Variants in PHLDB2 observed in about 807,000 individuals in gnomAD.
PHLDB2 encodes pleckstrin homology like domain family B member 2, also known as pleckstrin homology-like domain family B member 2.
In PHLDB2, 71 loss-of-function variants were observed where a neutral mutation model predicts 123.6. The observed-to-expected ratio is 0.57, with a 90% CI of 0.47 to 0.70. The LOEUF is 0.70. Ranked by LOEUF, PHLDB2 falls within the 30% of genes least tolerant of loss-of-function variation. The pLI is 0.00. For missense variants in PHLDB2, 1,446 were observed against 1,519.5 expected (o/e 0.95, Z 0.80); for synonymous variants, 547 against 541.6 (o/e 1.01, Z -0.14).
chr3:111,733,559 C>A (rs938474127), intron 1 of PHLDB2, among the ~76,000 whole-genome samples: 1 of 152,184 alleles, frequency 6.6e-6, no homozygotes, highest in Non-Finnish European at 1.5e-5. Context: ...ACCAATGCCA[C>A]TCTATGTACA....
In PHLDB2 at chr3:111,834,242, A is replaced by G. The variant is rs1457434541; in HGVS notation, c.-48-11579A>G. Among the ~76,000 whole-genome samples, 5 of 93,090 alleles carry G rather than the reference A, an allele frequency of 5.4e-5. 1 individual carries two copies. The highest frequency in any genetic ancestry group is 2.5e-4 in the African/African-American group (3 of 12,168). 61.1% of individuals were successfully genotyped at this position (93,090 alleles called of 152,430 possible). A position where few individuals can be genotyped will look rare whatever the true frequency, so the allele number is the denominator to read the frequency against. On this transcript the variant is annotated intron_variant, in intron 1 of 17. Transcript: ENST00000393923. ...ATTATATATATATTATGTATATAAT[A>G]GAATTATATATATAATTCTATTATA...
At chr3:111,781,483 A>G (rs774331064) in intron 1 of PHLDB2, among the ~76,000 whole-genome samples, 17 of 152,086 alleles carry the variant, frequency 1.1e-4, no homozygotes, top group Non-Finnish European at 1.9e-4. Flanking sequence ...CAATACCAAT[A>G]CCAAACTTAA....
chr3:111,845,755 C>A, intron 1 of PHLDB2: 2 of 1,572,742 alleles, frequency 1.3e-6, no homozygotes, highest in Admixed American at 1.8e-5. Flanking sequence ...GTTCTGTTGA[C>A]CTTGAGTTTT....
rs1482264303 is a variant in PHLDB2, at chr3:111,756,863, G to A, written c.-49+24160G>A. 5.9e-5 allele frequency among the ~76,000 whole-genome samples: 9 copies of A among 152,140 alleles called. No individual in the cohort carries two copies. In the East Asian group the frequency reaches 1.7e-3, roughly 29 times the overall value. On this transcript the variant is annotated intron_variant, in intron 1 of 17. Coordinates refer to the PHLDB2 transcript ENST00000393923. Reference sequence around the variant, plus strand: ...GGCCTGGTGGTGACAAAATCTCTCAGCATTTGCTTGTCTGTAAAGTATTTT... The same window carrying A: ...GGCCTGGTGGTGACAAAATCTCTCAACATTTGCTTGTCTGTAAAGTATTTT...
chr3:111,758,951 A>T (rs1297111215), intron 1 of PHLDB2, among the ~76,000 whole-genome samples: 2 of 152,140 alleles, frequency 1.3e-5, no homozygotes, highest in African/African-American at 4.8e-5. Context: ...TCCTATCAAT[A>T]TGGGGCCCAG....
chr3:111,869,939 G>A (rs2065259670), intron 1 of PHLDB2, among the ~76,000 whole-genome samples: 1 of 152,198 alleles, frequency 6.6e-6, no homozygotes, highest in South Asian at 2.1e-4. Context: ...CAAACAGGCA[G>A]GTCTTTGAGT....
At chr3:111,928,945 G>A (rs11713177) in intron 5 of PHLDB2, among the ~76,000 whole-genome samples, 45,387 of 151,972 alleles carry the variant, frequency 0.3, 7,291 homozygotes, top group Middle Eastern at 0.38. Flanking sequence ...TTTCAATAAA[G>A]TGAAATGTGA....
intron 2 of PHLDB2, among the ~76,000 whole-genome samples, chr3:111,902,307 A>T (rs867241530): frequency 2.6e-5 from 4 of 152,086 alleles, no homozygotes; most frequent in African/African-American, 9.7e-5. Flanking sequence ...GAAAATCAAA[A>T]TAGGCTGGGC....
intron 1 of PHLDB2, chr3:111,732,771 T>C: frequency 7.5e-6 from 10 of 1,339,922 alleles, no homozygotes; most frequent in Non-Finnish European, 1.0e-5. Flanking sequence ...TACAGCCTCG[T>C]CACCAGAGTG....
intron 1 of PHLDB2, among the ~76,000 whole-genome samples, chr3:111,814,392 A>G (rs916386060): frequency 6.6e-6 from 1 of 152,130 alleles, no homozygotes; most frequent in Non-Finnish European, 1.5e-5. Flanking sequence ...CAGGTTCTTC[A>G]GTTTTGGGAC....
intron 2 of PHLDB2, among the ~76,000 whole-genome samples, chr3:111,895,527 C>T (rs1559890852): frequency 6.6e-6 from 1 of 152,032 alleles, no homozygotes; most frequent in African/African-American, 2.4e-5. Flanking sequence ...TAAATAAAAA[C>T]TGAAAATATA....
chr3:111,884,567 C>A lies in PHLDB2; in HGVS notation c.490C>A (p.Leu164Ile). Residue 164 changes from leucine to isoleucine, a missense_variant, in exon 2 of 18, where the codon CTT (leucine) becomes ATT (isoleucine). Transcript: ENST00000431670. ...TAAATCGCATGACAATGTCTACTCT[C>A]TTGGAGGGCTGGAAGGTCGGAAGGC... ...RHKSHDNVYS[L>I]GGLEGRKASG... 2 of 1,614,116 alleles carry A rather than the reference C, an allele frequency of 1.2e-6. No homozygotes were observed. The highest frequency in any genetic ancestry group is 1.7e-6 in the Non-Finnish European group (2 of 1,180,022).
chr3:111,814,042 C>T (rs1261608962), intron 1 of PHLDB2, among the ~76,000 whole-genome samples: 4 of 152,186 alleles, frequency 2.6e-5, no homozygotes, highest in African/African-American at 9.7e-5. Context: ...CATAAGTCTC[C>T]TTCAAATACC....
chr3:111,928,931 A>AT (rs1262639213), intron 5 of PHLDB2, among the ~76,000 whole-genome samples: 1 of 152,062 alleles, frequency 6.6e-6, no homozygotes, highest in African/African-American at 2.4e-5. Context: ...TCTAATCTTA[A>AT]TTTTTTCAAT....
chr3:111,769,620 T>A (rs755795750), intron 1 of PHLDB2, among the ~76,000 whole-genome samples: 4 of 152,370 alleles, frequency 2.6e-5, no homozygotes, highest in Middle Eastern at 3.4e-3. Flanking sequence ...AAGAGTGATG[T>A]TAGGGAACTG....
At chr3:111,904,636 G>T (rs2107464697) in intron 2 of PHLDB2, among the ~76,000 whole-genome samples, 1 of 152,282 alleles carries the variant, frequency 6.6e-6, no homozygotes, top group East Asian at 1.9e-4. Flanking sequence ...AGATCTACTG[G>T]ATAATCTGAT....
At chr3:111,819,035 G>A (rs2062236733) in intron 1 of PHLDB2, among the ~76,000 whole-genome samples, 1 of 152,162 alleles carries the variant, frequency 6.6e-6, no homozygotes, top group Admixed American at 6.5e-5. Context: ...ATGCCAGCAT[G>A]GTCAGGATCT....
intron 2 of PHLDB2, among the ~76,000 whole-genome samples, chr3:111,887,289 T>G (rs1346599110): frequency 6.6e-6 from 1 of 152,178 alleles, no homozygotes; most frequent in Non-Finnish European, 1.5e-5. Context: ...GCTCTAAATA[T>G]GAAGTTATAT....
At position 111,897,481 on chromosome 3, in the gene PHLDB2, T is replaced by C. The variant is rs556250782; in HGVS notation, c.1335+12069T>C. Among the ~76,000 whole-genome samples, 8 of 152,362 alleles carry C rather than the reference T, an allele frequency of 5.3e-5. No individual in the cohort carries two copies. The South Asian group carries it at 1.7e-3, about 32-fold the overall frequency. On this transcript the variant is annotated intron_variant, in intron 2 of 17. Coordinates refer to ENST00000431670, the MANE Select transcript of PHLDB2 (RefSeq NM_001134438.2). ...AGTCAGTGAGATTAGTTTCCTAAAG[T>C]TGCAAATAGCCAAAAGCTTTGCTCT...
Sources: allele counts gnomAD v4.1 joint callset (sites outside exome capture counted in the v4.1 genomes callset), GRCh38; gene constraint gnomAD v4.1.1; transcripts MANE v1.5; gene names NCBI Gene and HGNC (gene_info 2026-07-23, HGNC 2026-07-21).